DPYD: variants seen among roughly 807,000 people sequenced by gnomAD.
DPYD encodes dihydropyrimidine dehydrogenase [NADP(+)].
A neutral mutation model predicts 116.2 loss-of-function variants in DPYD; 109 were observed. That is an observed-to-expected ratio of 0.94 (90% CI 0.80 to 1.10). DPYD has a LOEUF of 1.10. DPYD is among the 50% of genes least tolerant of loss of function. The pLI, the probability that DPYD is intolerant of heterozygous loss-of-function variation, is 0.00. For missense variants in DPYD, 1,302 were observed against 1,254.5 expected, an observed-to-expected ratio of 1.04 and a Z score of -0.57; for synonymous variants, 440 against 432.0, an observed-to-expected ratio of 1.02 and a Z score of -0.23.
intron 20 of DPYD, among the ~76,000 whole-genome samples, chr1:97,144,149 G>C (rs1264539590): frequency 6.6e-6 from 1 of 152,150 alleles, no homozygotes; most frequent in African/African-American, 2.4e-5. Context: ...TGATTCAAGT[G>C]ACTTTTTAAA....
chr1:97,596,669 C>T (rs757927466), intron 8 of DPYD, among the ~76,000 whole-genome samples: 23 of 152,012 alleles, frequency 1.5e-4, no homozygotes, highest in African/African-American at 5.3e-4. Context: ...TAAGCATAGC[C>T]GAAGGATGAC....
At chr1:97,703,328 T>C (rs1020291317) in intron 5 of DPYD, among the ~76,000 whole-genome samples, 1 of 152,166 alleles carries the variant, frequency 6.6e-6, no homozygotes, top group South Asian at 2.1e-4. Flanking sequence ...ACTTCCATCA[T>C]TCTCATGATG....
intron 14 of DPYD, among the ~76,000 whole-genome samples, chr1:97,386,884 A>G (rs898601014): frequency 6.6e-6 from 1 of 151,994 alleles, no homozygotes; most frequent in African/African-American, 2.4e-5. Flanking sequence ...ACATAATTTA[A>G]TATTTATTTG....
At chr1:97,238,669 G>T (rs1330599785) in intron 18 of DPYD, among the ~76,000 whole-genome samples, 1 of 152,084 alleles carries the variant, frequency 6.6e-6, no homozygotes, top group Non-Finnish European at 1.5e-5. Context: ...TTAAAATTTT[G>T]TCACTGCTAC....
At chr1:97,297,204 A>G (rs1323338646) in intron 18 of DPYD, among the ~76,000 whole-genome samples, 2 of 152,200 alleles carry the variant, frequency 1.3e-5, no homozygotes, top group Non-Finnish European at 2.9e-5. Flanking sequence ...ACTCTCCAAA[A>G]GCATAGCAAG....
intron 11 of DPYD, among the ~76,000 whole-genome samples, chr1:97,563,958 A>G (rs1215515620): frequency 6.6e-6 from 1 of 152,186 alleles, no homozygotes; most frequent in Admixed American, 6.5e-5. Context: ...CGTAATAGAA[A>G]GATGATAAAT....
At chr1:97,570,962 G>A (rs1031558481) in intron 11 of DPYD, among the ~76,000 whole-genome samples, 2 of 151,834 alleles carry the variant, frequency 1.3e-5, no homozygotes, top group African/African-American at 4.8e-5. Context: ...TGCGAAATGG[G>A]GAGTGGAAAA....
chr1:97,649,276 G>A (rs1658445882), intron 8 of DPYD, among the ~76,000 whole-genome samples: 1 of 152,018 alleles, frequency 6.6e-6, no homozygotes, highest in Non-Finnish European at 1.5e-5. Flanking sequence ...TACATAAGGA[G>A]CTCTCAAGGT....
intron 20 of DPYD, among the ~76,000 whole-genome samples, chr1:97,138,633 A>C (rs1022886459): frequency 6.6e-6 from 1 of 151,950 alleles, no homozygotes; most frequent in Admixed American, 6.6e-5. Flanking sequence ...TCTCGCAAAA[A>C]ATGTTCATAA....
chr1:97,665,846 T>C (rs1464393518), intron 8 of DPYD, among the ~76,000 whole-genome samples: 1 of 152,214 alleles, frequency 6.6e-6, no homozygotes, highest in African/African-American at 2.4e-5. Context: ...CCTGAGCACC[T>C]TGAATAAAAG....
intron 13 of DPYD, among the ~76,000 whole-genome samples, chr1:97,481,836 C>G (rs1184103504): frequency 6.6e-6 from 1 of 152,092 alleles, no homozygotes; most frequent in African/African-American, 2.4e-5. Flanking sequence ...ATTACCAGTT[C>G]TTCAGAAAAT....
At chr1:97,891,089 A>G (rs1488464668) in intron 1 of DPYD, among the ~76,000 whole-genome samples, 1 of 152,004 alleles carries the variant, frequency 6.6e-6, no homozygotes, top group African/African-American at 2.4e-5. Flanking sequence ...AAAATACAAG[A>G]CATGAGTGGT....
intron 18 of DPYD, among the ~76,000 whole-genome samples, chr1:97,254,462 A>AAAAAT (rs1299173816): frequency 6.6e-6 from 1 of 152,128 alleles, no homozygotes; most frequent in East Asian, 1.9e-4. Context: ...AACTGTATTT[A>AAAAAT]ACCATTTGTC....
chr1:97,192,572 A>T (rs1188384033), intron 20 of DPYD, among the ~76,000 whole-genome samples: 1 of 152,226 alleles, frequency 6.6e-6, no homozygotes, highest in Admixed American at 6.5e-5. Flanking sequence ...CTTGGAAAAT[A>T]GCAGTTAGTG....
intron 1 of DPYD, among the ~76,000 whole-genome samples, chr1:97,919,115 C>G (rs1674371336): frequency 6.6e-6 from 1 of 152,162 alleles, no homozygotes; most frequent in Non-Finnish European, 1.5e-5. Flanking sequence ...ATTTCATGCT[C>G]TTTCATGGTA....
In DPYD at chr1:97,744,937, A is replaced by G. The variant is rs957793121; in HGVS notation, c.234-4458T>C. 5.3e-4 allele frequency among the ~76,000 whole-genome samples: 81 copies of G among 152,058 alleles called. 1 individual carries two copies. Among genetic ancestry groups the G allele is most frequent in the Admixed American group, 5.2e-3 (79 of 15,242 alleles). On this transcript the variant is annotated intron_variant, in intron 3 of 22. Transcript: ENST00000370192. ...TTGCTTCCAGACCCTATCATAATAA[A>G]GGAGACAAGAAAGATGGCTGGTATC... is the stretch of plus-strand genomic sequence containing the variant.
chr1:97,734,119 C>T (rs1413655341), intron 4 of DPYD, among the ~76,000 whole-genome samples: 1 of 151,972 alleles, frequency 6.6e-6, no homozygotes, highest in Non-Finnish European at 1.5e-5. Flanking sequence ...TTTTAAAATG[C>T]AGGTAGTAAA....
intron 14 of DPYD, among the ~76,000 whole-genome samples, chr1:97,441,883 C>T (rs1465545379): frequency 2.0e-5 from 3 of 152,102 alleles, no homozygotes; most frequent in Non-Finnish European, 2.9e-5. Flanking sequence ...ATTTGCTGGG[C>T]ATGACCAAAG....
chr1:97,638,046 G>C (rs1233729443), intron 8 of DPYD, among the ~76,000 whole-genome samples: 1 of 151,934 alleles, frequency 6.6e-6, no homozygotes, highest in Non-Finnish European at 1.5e-5. Context: ...AAATATTAAT[G>C]GTGTTCTCAT....
Sources: allele counts gnomAD v4.1 joint callset (sites outside exome capture counted in the v4.1 genomes callset), GRCh38; gene constraint gnomAD v4.1.1; transcripts MANE v1.5; gene names NCBI Gene and HGNC (gene_info 2026-07-23, HGNC 2026-07-21).